The following GIGYF2 variants were observed in gnomAD, a reference collection of about 807,000 sequenced individuals.
GIGYF2 encodes GRB10 interacting GYF protein 2.
A neutral mutation model predicts 208.1 loss-of-function variants in GIGYF2; 25 were observed. The ratio of observed to expected loss-of-function variants is 0.12; its 90% confidence interval spans 0.09 to 0.17. The LOEUF is 0.17. GIGYF2 is among the 10% of genes least tolerant of loss of function. The pLI is 1.00. For synonymous variants in GIGYF2, 534 were observed against 543.8 expected, an observed-to-expected ratio of 0.98 and a Z score of 0.25; for missense variants, 1,302 against 1,579.4, an observed-to-expected ratio of 0.82 and a Z score of 2.98.
intron 8 of GIGYF2, among the ~76,000 whole-genome samples, chr2:232,784,841 T>G (rs1699860864): frequency 6.6e-6 from 1 of 152,024 alleles, no homozygotes; most frequent in East Asian, 1.9e-4. Context: ...GTGTTGGAGG[T>G]GGGGCCTGGT....
rs772593305 is a variant in GIGYF2, at chr2:232,791,350, A to G, written c.1186A>G (p.Arg396Gly). Residue 396 changes from arginine (R) to glycine (G), a missense_variant, in exon 12 of 29, where the codon AGG (arginine) becomes GGG (glycine). Arg to Gly is a moderately radical substitution (Grantham distance 125). This residue lies in a region of GIGYF2 where 235 missense variants were observed against 218.8 expected (regional missense o/e 1.07). Coordinates refer to ENST00000373563, the MANE Select transcript of GIGYF2 (RefSeq NM_001103146.3). Reference sequence around the variant, plus strand: ...GTCTCAGGAAGCATCACAGTTTGAGAGGAAAGATGAACCAAAAACTGAGCA... The same window carrying G: ...GTCTCAGGAAGCATCACAGTTTGAGGGGAAAGATGAACCAAAAACTGAGCA... ...HQSQEASQFE[R>G]KDEPKTEQTE... is the part of the protein sequence containing the mutation. 3 of 1,614,112 alleles carry G rather than the reference A, an allele frequency of 1.9e-6. No individual in the cohort carries two copies. The South Asian group carries it at 3.3e-5, about 18-fold the overall frequency.
At chr2:232,771,446 T>C in intron 8 of GIGYF2, 1 of 1,004,334 alleles carries the variant, frequency 1.0e-6, no homozygotes, top group South Asian at 1.6e-5. Flanking sequence ...TTTGGAGAGC[T>C]CATGGACTTT....
intron 9 of GIGYF2, 65 bp downstream of exon 9, chr2:232,787,394 GA>G: frequency 7.3e-7 from 1 of 1,367,968 alleles, no homozygotes; most frequent in Non-Finnish European, 1.0e-6. Context: ...TGGAAATAGG[GA>G]TTAAATGAAA....
At chr2:232,721,033 A>G (rs987598444) in intron 2 of GIGYF2, among the ~76,000 whole-genome samples, 1 of 152,224 alleles carries the variant, frequency 6.6e-6, no homozygotes, top group African/African-American at 2.4e-5. Flanking sequence ...CTTCTCTGTC[A>G]GAGTTGCTTT....
At chr2:232,767,660 T>A (rs545498461) in intron 8 of GIGYF2, 1 of 157,928 alleles carries the variant, frequency 6.3e-6, no homozygotes, top group East Asian at 1.9e-4. Flanking sequence ...TTGTTAAAAA[T>A]TAAGGAGGTA....
At chr2:232,704,856 A>ATTTTTTTTTTTTT (rs10689292) in intron 2 of GIGYF2, among the ~76,000 whole-genome samples, 3 of 101,958 alleles carry the variant, frequency 2.9e-5, no homozygotes, top group African/African-American at 3.9e-5. Flanking sequence ...TAACTTCTGG[A>ATTTTTTTTTTTTT]TTTTTTTTTT....
At chr2:232,847,108 T>TC (rs1442571087) in intron 26 of GIGYF2, among the ~76,000 whole-genome samples, 1 of 152,226 alleles carries the variant, frequency 6.6e-6, no homozygotes, top group East Asian at 1.9e-4. Context: ...AGTAACTGTT[T>TC]CAGTCAGTAT....
chr2:232,786,857 T>C (rs982170062), intron 8 of GIGYF2, among the ~76,000 whole-genome samples: 10 of 152,306 alleles, frequency 6.6e-5, no homozygotes, highest in Admixed American at 2.0e-4. Flanking sequence ...TGGTTCCTTC[T>C]GGGGAGTACG....
rs1169824822 is a variant in GIGYF2, at chr2:232,856,937, C to CACCA, written c.*78_*81dup. 1.1e-6 allele frequency: 1 copy of CACCA among 927,718 alleles called. No individual in the cohort carries two copies. The highest frequency in any genetic ancestry group is 1.8e-6 in the Non-Finnish European group (1 of 553,058). 57.5% of individuals were successfully genotyped at this position (927,718 alleles called of 1,614,324 possible). On this transcript the variant is annotated 3_prime_UTR_variant, in exon 29 of 29. Coordinates refer to ENST00000373563, the MANE Select transcript of GIGYF2 (RefSeq NM_001103146.3). Reference sequence around the variant, plus strand: ...TCCACCTTTGGACACAACACTTACTCACCATTTACTCTTTATCACTCTGCA... The same window carrying CACCA: ...TCCACCTTTGGACACAACACTTACTCACCAACCATTTACTCTTTATCACTCTGCA...
At chr2:232,736,882 A>G (rs1697755736) in intron 3 of GIGYF2, among the ~76,000 whole-genome samples, 1 of 152,196 alleles carries the variant, frequency 6.6e-6, no homozygotes, top group Non-Finnish European at 1.5e-5. Context: ...TGCTGTTTAT[A>G]GGTAACAGAA....
Position 232,856,750 on chromosome 2 carries a change from G to T in GIGYF2, c.3833-43G>T, listed in dbSNP as rs546241944. 5.8e-4 allele frequency: 739 copies of T among 1,276,114 alleles called. 10 individuals are homozygous for T. In the South Asian group the frequency reaches 8.1e-3, roughly 14 times the overall value. The allele number at this position is 1,276,114 out of a possible 1,614,324, so 79.0% of individuals were successfully genotyped here. On this transcript the variant is annotated intron_variant, in intron 28 of 28. Coordinates refer to ENST00000373563, the MANE Select transcript of GIGYF2 (RefSeq NM_001103146.3). ...CACCGCCTAGAATTTGAGCCGCTTG[G>T]TTGCCTGGGTGTGGTCACTCATAGC...
intron 8 of GIGYF2, among the ~76,000 whole-genome samples, chr2:232,777,505 T>G (rs932154136): frequency 1.3e-5 from 2 of 152,136 alleles, no homozygotes; most frequent in African/African-American, 4.8e-5. Flanking sequence ...AAACAAAGAC[T>G]GTGATTGTTC....
intron 22 of GIGYF2, among the ~76,000 whole-genome samples, chr2:232,835,205 T>C (rs752743837): frequency 7.2e-5 from 11 of 152,226 alleles, no homozygotes; most frequent in Non-Finnish European, 1.5e-4. Flanking sequence ...TTCCATGCCT[T>C]ATATAAACAC....
rs564338779 is a variant in GIGYF2, at chr2:232,778,195, C to G, written c.533-8955C>G. Among the ~76,000 whole-genome samples the G allele has an allele frequency of 8.5e-4, 130 of 152,234 alleles. 1 individual carries two copies. The highest frequency in any genetic ancestry group is 1.9e-3 in the South Asian group (9 of 4,826). On this transcript the variant is annotated intron_variant, in intron 8 of 28. Coordinates refer to ENST00000373563, the MANE Select transcript of GIGYF2 (RefSeq NM_001103146.3). ...AAGCTGTCCTCTCAATTCAGCCTCCCAAATTCCTGGGATTACAGGCATGAG... is the reference window on the plus strand; with the variant it reads ...AAGCTGTCCTCTCAATTCAGCCTCCGAAATTCCTGGGATTACAGGCATGAG...
intron 4 of GIGYF2, among the ~76,000 whole-genome samples, chr2:232,748,611 C>T (rs904600731): frequency 2.0e-5 from 3 of 152,092 alleles, no homozygotes; most frequent in Admixed American, 6.6e-5. Flanking sequence ...TTTCAGTGAT[C>T]GAGAATTTCA....
chr2:232,736,344 A>G (rs775276730), intron 3 of GIGYF2: 21 of 290,374 alleles, frequency 7.2e-5, no homozygotes, highest in Non-Finnish European at 9.8e-5. Context: ...AGCCAGAAAT[A>G]ATTTCAACAT....
chr2:232,783,876 C>G (rs924593578), intron 8 of GIGYF2, among the ~76,000 whole-genome samples: 1 of 152,052 alleles, frequency 6.6e-6, no homozygotes, highest in Admixed American at 6.6e-5. Flanking sequence ...TTAGTAGAGA[C>G]GGGGTTTCTC....
chr2:232,839,105 G>A (rs1010539729), intron 22 of GIGYF2, among the ~76,000 whole-genome samples: 1 of 152,022 alleles, frequency 6.6e-6, no homozygotes, highest in Admixed American at 6.6e-5. Context: ...AGTCTGGTTA[G>A]GTTTCTTTTT....
intron 21 of GIGYF2, among the ~76,000 whole-genome samples, chr2:232,830,429 A>G (rs781775605): frequency 5.3e-5 from 8 of 152,148 alleles, no homozygotes; most frequent in Non-Finnish European, 8.8e-5. Flanking sequence ...TGTTTAAGAC[A>G]TAGATTTTTT....
Sources: gnomAD v4.1 joint callset for allele counts (sites outside exome capture counted in the v4.1 genomes callset) on GRCh38, gnomAD v4.1.1 for gene constraint, gnomAD v4.1.1 regional missense constraint, MANE v1.5 for transcripts, NCBI Gene and HGNC (gene_info 2026-07-23, HGNC 2026-07-21) for gene names.